The following SLC25A48 variants were observed in gnomAD, a reference collection of about 807,000 sequenced individuals.
The protein encoded by SLC25A48 is CTC-321K16.1.
A neutral mutation model predicts 32.2 loss-of-function variants in SLC25A48; 29 were observed. That is an observed-to-expected ratio of 0.90 (90% CI 0.67 to 1.23). SLC25A48 has a LOEUF of 1.23. Among genes scored for constraint, SLC25A48 ranks in the 50% most tolerant of loss-of-function variants. The pLI, the probability that SLC25A48 is intolerant of heterozygous loss-of-function variation, is 0.00. For missense variants in SLC25A48, 399 were observed against 422.7 expected, an observed-to-expected ratio of 0.94 and a Z score of 0.49; for synonymous variants, 164 against 172.3, an observed-to-expected ratio of 0.95 and a Z score of 0.38.
chr5:135,767,959 G>T (rs560187225), intron 3 of SLC25A48, among the ~76,000 whole-genome samples: 1 of 147,088 alleles, frequency 6.8e-6, no homozygotes, highest in African/African-American at 2.6e-5. Context: ...TAATATCCGG[G>T]GGGGGGAGAG....
chr5:135,636,740 T>C (rs1416057564), intron 3 of SLC25A48, among the ~76,000 whole-genome samples: 3 of 152,264 alleles, frequency 2.0e-5, no homozygotes, highest in African/African-American at 7.2e-5. Flanking sequence ...GCATGCACAG[T>C]AGCCAAAGTC....
At chr5:135,626,219 A>G (rs990739074) in intron 1 of SLC25A48, among the ~76,000 whole-genome samples, 7 of 152,210 alleles carry the variant, frequency 4.6e-5, no homozygotes, top group Admixed American at 3.3e-4. Flanking sequence ...GTGGGTGGCA[A>G]TGAGCTTATT....
intron 2 of SLC25A48, among the ~76,000 whole-genome samples, chr5:135,843,323 G>A (rs1472447977): frequency 6.6e-6 from 1 of 152,106 alleles, no homozygotes; most frequent in Non-Finnish European, 1.5e-5. Flanking sequence ...ATAGGAGGGG[G>A]GTAAGGTGCA....
At chr5:135,792,703 G>T (rs1757062699) in intron 3 of SLC25A48, among the ~76,000 whole-genome samples, 3 of 151,520 alleles carry the variant, frequency 2.0e-5, no homozygotes. Context: ...GTACTCCCTG[G>T]AATACTATTT....
intron 3 of SLC25A48, among the ~76,000 whole-genome samples, chr5:135,762,104 T>C (rs1756075348): frequency 6.6e-6 from 1 of 152,260 alleles, no homozygotes; most frequent in Non-Finnish European, 1.5e-5. Flanking sequence ...TGTAGAAATG[T>C]ACTGTTCTGT....
intron 3 of SLC25A48, among the ~76,000 whole-genome samples, chr5:135,690,419 T>C (rs1754117979): frequency 6.6e-6 from 1 of 152,172 alleles, no homozygotes; most frequent in South Asian, 2.1e-4. Context: ...CAGAGGGGCC[T>C]TGAAGAACTA....
chr5:135,604,965 A>G (rs1751898861), intron 1 of SLC25A48, among the ~76,000 whole-genome samples: 1 of 152,208 alleles, frequency 6.6e-6, no homozygotes, highest in South Asian at 2.1e-4. Context: ...CTTATGAAGC[A>G]CTTAAAACAG....
chr5:135,885,368 G>T (rs1581075674), intron 7 of SLC25A48, among the ~76,000 whole-genome samples: 1 of 152,098 alleles, frequency 6.6e-6, no homozygotes, highest in African/African-American at 2.4e-5. Flanking sequence ...CACCCTCCAG[G>T]CTTCCCTGCC....
intron 1 of SLC25A48, among the ~76,000 whole-genome samples, chr5:135,601,614 A>T (rs1008702085): frequency 5.9e-5 from 9 of 151,886 alleles, no homozygotes; most frequent in African/African-American, 2.2e-4. Flanking sequence ...CAAGCTTTGA[A>T]CTTCCTTACA....
At chr5:135,739,532 C>T (rs985235343) in intron 3 of SLC25A48, among the ~76,000 whole-genome samples, 6 of 152,208 alleles carry the variant, frequency 3.9e-5, no homozygotes, top group Non-Finnish European at 7.3e-5. Context: ...AGACACCTGC[C>T]TGCCTCAAGC....
chr5:135,767,214 T>C (rs1756262262), intron 3 of SLC25A48, among the ~76,000 whole-genome samples: 1 of 149,018 alleles, frequency 6.7e-6, no homozygotes, highest in South Asian at 2.2e-4. Context: ...TGGTTTGTAA[T>C]ATCCAAAGTG....
chr5:135,644,434 T>A (rs1344414532), intron 3 of SLC25A48, among the ~76,000 whole-genome samples: 1 of 152,110 alleles, frequency 6.6e-6, no homozygotes, highest in East Asian at 1.9e-4. Context: ...GATGGTGACA[T>A]CTGATGAACC....
At chr5:135,841,837 C>A (rs919248604) in intron 1 of SLC25A48, among the ~76,000 whole-genome samples, 3 of 152,132 alleles carry the variant, frequency 2.0e-5, no homozygotes, top group African/African-American at 7.2e-5. Flanking sequence ...GAGAGGGTAA[C>A]CCTCCCAGAG....
intron 1 of SLC25A48, among the ~76,000 whole-genome samples, chr5:135,596,613 G>T (rs77183800): frequency 0.051 from 7,813 of 152,228 alleles, 260 homozygotes; most frequent in African/African-American, 0.077. Context: ...GTGCTCAGTT[G>T]TCCGTGGGGC....
intron 5 of SLC25A48, 142 bp downstream of exon 5, chr5:135,871,860 A>G (rs1319751299): frequency 1.3e-6 from 2 of 1,520,596 alleles, no homozygotes; most frequent in Admixed American, 2.1e-5. Context: ...TTAGGTACCT[A>G]CTCTGTCCCC....
At chr5:135,644,631 A>C (rs1752916278) in intron 3 of SLC25A48, among the ~76,000 whole-genome samples, 1 of 152,052 alleles carries the variant, frequency 6.6e-6, no homozygotes, top group South Asian at 2.1e-4. Context: ...AGGTTAAGTC[A>C]CCTCCCTGAG....
Position 135,783,120 on chromosome 5 carries a change from C to T in SLC25A48, c.-520-29403C>T, listed in dbSNP as rs1316485503. 3.4e-5 allele frequency among the ~76,000 whole-genome samples: 4 copies of T among 118,822 alleles called. 1 individual carries two copies. Among genetic ancestry groups the T allele is most frequent in the African/African-American group, 1.0e-4 (4 of 39,036 alleles). 78.0% of individuals were successfully genotyped at this position (118,822 alleles called of 152,430 possible). On this transcript the variant is annotated intron_variant, in intron 3 of 10. Transcript: ENST00000646290. Reference sequence around the variant, plus strand: ...TTACAACCCCCATATAATATTGTTTCTCAATCCAGGGGGTCAGAAGATGAT... The same window carrying T: ...TTACAACCCCCATATAATATTGTTTTTCAATCCAGGGGGTCAGAAGATGAT...
intron 3 of SLC25A48, among the ~76,000 whole-genome samples, chr5:135,669,330 T>G (rs1753599136): frequency 6.6e-6 from 1 of 152,120 alleles, no homozygotes; most frequent in Non-Finnish European, 1.5e-5. Context: ...GGATAGGGGC[T>G]GCCTTCTTGG....
At chr5:135,650,100 G>A (rs1753071067) in intron 3 of SLC25A48, 1 of 187,548 alleles carries the variant, frequency 5.3e-6, no homozygotes, top group Admixed American at 5.5e-5. Flanking sequence ...ATTTCCTGCA[G>A]TCTCATTTCT....
Sources: gnomAD v4.1 joint callset for allele counts (sites outside exome capture counted in the v4.1 genomes callset) on GRCh38, gnomAD v4.1.1 for gene constraint, MANE v1.5 for transcripts, NCBI Gene and HGNC (gene_info 2026-07-23, HGNC 2026-07-21) for gene names.